Variants in PPP1R9B observed in about 807,000 individuals in gnomAD.
PPP1R9B encodes the protein neurabin-2.
A neutral mutation model predicts 75.8 loss-of-function variants in PPP1R9B; 17 were observed. That is an observed-to-expected ratio of 0.22 (90% CI 0.15 to 0.34). PPP1R9B has a LOEUF of 0.34. Among genes scored for constraint, PPP1R9B ranks in the 10% least tolerant of loss-of-function variants. The pLI is 1.00. For missense variants in PPP1R9B, 875 were observed against 1,196.0 expected (o/e 0.73, Z 3.96); for synonymous variants, 509 against 535.4 (o/e 0.95, Z 0.68).
At position 50,141,345 on chromosome 17, in the gene PPP1R9B, C is replaced by G; in HGVS notation, c.1654G>C (p.Val552Leu). Residue 552 changes from valine to leucine, a missense_variant, in exon 4 of 10, where the codon GTG (valine) becomes CTG (leucine). Around this residue, in one of 4 missense-constraint regions of PPP1R9B, gnomAD observed 63 missense variants for 160.2 expected, o/e 0.39. Coordinates refer to ENST00000612501, the MANE Select transcript of PPP1R9B (RefSeq NM_032595.5). ...RIQVNDLLVEVDGTSLVGVTQ... is the reference protein window; with the variant it reads ...RIQVNDLLVELDGTSLVGVTQ... The stretch of plus-strand genomic sequence containing the variant: ...ACTCCCACCAGACTTGTTCCATCCA[C>G]CTCCACCAGGAGATCATTCACCTGG... 6.3e-7 allele frequency: 1 copy of G among 1,590,900 alleles called. No individual in the cohort carries two copies. The highest frequency in any genetic ancestry group is 8.6e-7 in the Non-Finnish European group (1 of 1,169,298).
At position 50,145,195 on chromosome 17, in the gene PPP1R9B, C is replaced by T; in HGVS notation, c.1422G>A (p.Val474=). 6.2e-7 allele frequency: 1 copy of T among 1,614,024 alleles called. No homozygotes were observed. Among genetic ancestry groups the T allele is most frequent in the Non-Finnish European group, 8.5e-7 (1 of 1,179,892 alleles). Residue 474 remains valine, a synonymous_variant, in exon 2 of 10, where the codon GTG becomes GTA. Coordinates refer to ENST00000612501, the MANE Select transcript of PPP1R9B (RefSeq NM_032595.5). ...NEDYDRRNED[V]DPMAASAEYE... ...ACTCAGCAGAGGCTGCCATGGGATC[C>T]ACATCCTCGTTGCGACGATCGTAAT... is the stretch of plus-strand genomic sequence containing the variant.
Position 50,139,989 on chromosome 17 carries a change from G to T in PPP1R9B, c.1866+104C>A. The T allele has an allele frequency of 7.8e-7, 1 of 1,289,928 alleles. No individual in the cohort carries two copies. The highest frequency in any genetic ancestry group is 1.4e-5 in the South Asian group (1 of 69,420). 79.9% of individuals were successfully genotyped at this position (1,289,928 alleles called of 1,614,324 possible). A position where few individuals can be genotyped will look rare whatever the true frequency, so the allele number is the denominator to read the frequency against. ...ACTGGAGGACAGGGAATGGCACTGT[G>T]GGCTTTTTACTAGGGCAGGGGAAGC... On this transcript the variant is annotated intron_variant, in intron 5 of 9. Transcript: ENST00000612501. This position sits in a 1 kb window ranked among gnomAD's most constrained non-coding sequence, Gnocchi z 5.0.
chr17:50,137,080 T>C (rs1912250776), intron 7 of PPP1R9B, among the ~76,000 whole-genome samples: 2 of 152,058 alleles, frequency 1.3e-5, no homozygotes, highest in East Asian at 3.9e-4. Flanking sequence ...ACAGGGCCTT[T>C]ACGTGTGCTG....
At position 50,149,351 on chromosome 17, in the gene PPP1R9B, G is replaced by A. The variant is rs1598251147; in HGVS notation, c.1163C>T (p.Ser388Leu). Residue 388 changes from serine (S) to leucine (L), a missense_variant, in exon 1 of 10, where the codon TCG (serine) becomes TTG (leucine). By Grantham distance (145) the Ser-to-Leu change is moderately radical (BLOSUM62 -2). Transcript: ENST00000612501. This position sits in a 1 kb window ranked among gnomAD's most constrained non-coding sequence, Gnocchi z 7.2. ...GCTCACGTCCACCAAGTCCGCCTCC[G>A]AGAAGTCCTCCTTCTTGGATTCATC... ...EVDESKKEDF[S>L]EADLVDVSAY... The A allele has an allele frequency of 6.2e-7, 1 of 1,613,328 alleles. No individual in the cohort carries two copies. Among genetic ancestry groups the A allele is most frequent in the Non-Finnish European group, 8.5e-7 (1 of 1,179,764 alleles).
chr17:50,145,116 T>C lies in PPP1R9B; in HGVS notation c.1501A>G (p.Lys501Glu). The C allele has an allele frequency of 6.2e-7, 1 of 1,613,766 alleles. No individual in the cohort carries two copies. ...RLELFPVELE[K>E]DSEGLGISII... ...ACGTGGCCTCCTGGCCTCTCACCCTTCTCCAGCTCCACAGGGAACAGCTCC... is the reference window on the plus strand; with the variant it reads ...ACGTGGCCTCCTGGCCTCTCACCCTCCTCCAGCTCCACAGGGAACAGCTCC... Residue 501 changes from lysine to glutamate, a missense_variant, in exon 2 of 10, where the codon AAG (lysine) becomes GAG (glutamate). Physicochemically the swap from Lys to Glu is moderately conservative, Grantham distance 56. This residue lies in a region of PPP1R9B where 63 missense variants were observed against 160.2 expected (regional missense o/e 0.39). Coordinates refer to ENST00000612501, the MANE Select transcript of PPP1R9B (RefSeq NM_032595.5).
intron 7 of PPP1R9B, among the ~76,000 whole-genome samples, chr17:50,137,746 G>A (rs963007080): frequency 6.6e-6 from 1 of 152,198 alleles, no homozygotes; most frequent in Non-Finnish European, 1.5e-5. Context: ...TTAGAGGGGA[G>A]GCAGGATACT....
Position 50,149,378 on chromosome 17 carries a change from A to C in PPP1R9B, c.1136T>G (p.Val379Gly). 1 of 1,609,910 alleles carries C rather than the reference A, an allele frequency of 6.2e-7. No individual in the cohort carries two copies. The highest frequency in any genetic ancestry group is 8.5e-7 in the Non-Finnish European group (1 of 1,178,902). The change falls in exon 1 of 10, where the codon GTA (valine) becomes GGA (glycine). Residue 379 changes from valine (V) to glycine (G), a missense_variant. Physicochemically the swap from Val to Gly is moderately radical, Grantham distance 109. This residue lies in a region of PPP1R9B where 449 missense variants were observed against 475.0 expected (regional missense o/e 0.95). Coordinates refer to ENST00000612501, the MANE Select transcript of PPP1R9B (RefSeq NM_032595.5). This position sits in a 1 kb window ranked among gnomAD's most constrained non-coding sequence, Gnocchi z 7.2. The part of the protein sequence containing the change: ...GRAPDVAPEE[V>G]DESKKEDFSE... ...GAAGTCCTCCTTCTTGGATTCATCT[A>C]CCTCCTCAGGGGCCACGTCCGGGGC... is the stretch of plus-strand genomic sequence containing the variant.
intron 7 of PPP1R9B, among the ~76,000 whole-genome samples, 174 bp from the exon 8 acceptor site, chr17:50,136,371 A>G (rs1912231293): frequency 6.6e-6 from 1 of 152,152 alleles, no homozygotes; most frequent in Non-Finnish European, 1.5e-5. Context: ...CAGAGAGGAA[A>G]GAAGTAGAGC....
rs1273306827 is a variant in PPP1R9B, at chr17:50,149,592, C to T, written c.922G>A (p.Glu308Lys). Reference sequence around the variant, plus strand: ...CCGGGCGCCGACTCGGCCTCCGACTCCCCGCTCTCCTCCACCTCCACCGGC... The same window carrying T: ...CCGGGCGCCGACTCGGCCTCCGACTTCCCGCTCTCCTCCACCTCCACCGGC... ...IKPVEVEESGESEAESAPGEV... is the reference protein window; with the variant it reads ...IKPVEVEESGKSEAESAPGEV... The change falls in exon 1 of 10, where the codon GAG becomes AAG. Residue 308 changes from glutamate to lysine, a missense_variant. By Grantham distance (56) the Glu-to-Lys change is moderately conservative. Transcript: ENST00000612501. This position sits in a 1 kb window ranked among gnomAD's most constrained non-coding sequence, Gnocchi z 7.2. 2 of 1,569,628 alleles carry T rather than the reference C, an allele frequency of 1.3e-6. No homozygotes were observed. Among genetic ancestry groups the T allele is most frequent in the African/African-American group, 1.4e-5 (1 of 73,532 alleles).
intron 3 of PPP1R9B, 103 bp downstream of exon 3, chr17:50,143,495 C>T (rs2144449880): frequency 7.0e-7 from 1 of 1,436,020 alleles, no homozygotes; most frequent in Non-Finnish European, 9.5e-7. Flanking sequence ...ACGGAAATCT[C>T]CCAGGGAAGG....
At chr17:50,143,116 A>G (rs1912427885) in intron 3 of PPP1R9B, among the ~76,000 whole-genome samples, 1 of 151,894 alleles carries the variant, frequency 6.6e-6, no homozygotes, top group Non-Finnish European at 1.5e-5. Context: ...CCTCCATTTC[A>G]CTACCTTTTG....
In PPP1R9B at chr17:50,150,233, G is replaced by A. The variant is rs939659281; in HGVS notation, c.281C>T (p.Ser94Leu). 3.9e-5 allele frequency: 56 copies of A among 1,442,524 alleles called. No individual in the cohort carries two copies. Among genetic ancestry groups the A allele is most frequent in the Non-Finnish European group, 4.9e-5 (53 of 1,091,794 alleles). The allele number at this position is 1,442,524 out of a possible 1,614,324, so 89.4% of individuals were successfully genotyped here. A position where few individuals can be genotyped will look rare whatever the true frequency, so the allele number is the denominator to read the frequency against. Residue 94 changes from serine to leucine, a missense_variant, in exon 1 of 10, where the codon TCG becomes TTG. Ser to Leu is a moderately radical substitution (Grantham distance 145, BLOSUM62 -2). Coordinates refer to ENST00000612501, the MANE Select transcript of PPP1R9B (RefSeq NM_032595.5). This position sits in a 1 kb window ranked among gnomAD's most constrained non-coding sequence, Gnocchi z 8.7. The part of the protein sequence containing the change: ...PRASERGVRL[S>L]LPRASSLNEN... The stretch of plus-strand genomic sequence containing the variant: ...GTTCAGGCTGCTGGCCCGCGGCAGC[G>A]ACAGGCGCACGCCGCGCTCGGACGC...
rs3744535 is a variant in PPP1R9B, at chr17:50,135,545, A to G, written c.2400+8T>C. 499,184 of 1,607,436 alleles carry G rather than the reference A, an allele frequency of 0.31. 84,032 individuals carry two copies. The highest frequency in any genetic ancestry group is 0.65 in the African/African-American group (48,708 of 74,758). On this transcript the variant is annotated splice_region_variant and intron_variant, in intron 9 of 9. Coordinates refer to ENST00000612501, the MANE Select transcript of PPP1R9B (RefSeq NM_032595.5). ...CTGGGCCCTGCCCACAGGGCGCCCC[A>G]GGCCCACCTTGTCCAGGAGCTTGTC...
At position 50,133,968 on chromosome 17, in the gene PPP1R9B, G is replaced by A. The variant is rs991770020; in HGVS notation, c.*1363C>T. 1 of 152,696 alleles carries A rather than the reference G, an allele frequency of 6.5e-6. No homozygotes were observed. Among genetic ancestry groups the A allele is most frequent in the African/African-American group, 2.4e-5 (1 of 41,452 alleles). 9.5% of individuals were successfully genotyped at this position (152,696 alleles called of 1,614,324 possible). The stretch of plus-strand genomic sequence containing the variant: ...GACTGAGACAGCCAGCTCCTTCAGG[G>A]GATGGGGGCACATCTGGGGATAGGA... On this transcript the variant is annotated 3_prime_UTR_variant, in exon 10 of 10. Transcript: ENST00000612501.
intron 3 of PPP1R9B, 122 bp from the exon 4 acceptor site, chr17:50,141,495 CA>C (rs1912377389): frequency 1.7e-6 from 1 of 580,924 alleles, no homozygotes; most frequent in Non-Finnish European, 2.9e-6. Flanking sequence ...CTCATCTCTA[CA>C]AACAATAAAA....
At chr17:50,140,527 C>A (rs888490621) in intron 4 of PPP1R9B, among the ~76,000 whole-genome samples, 1 of 152,152 alleles carries the variant, frequency 6.6e-6, no homozygotes, top group Non-Finnish European at 1.5e-5. Context: ...TCTTCCCCTG[C>A]CACAGGGGAG....
In PPP1R9B at chr17:50,135,546, G is replaced by C. The variant is rs1202879624; in HGVS notation, c.2400+7C>G. On this transcript the variant is annotated splice_region_variant and intron_variant, in intron 9 of 9. Coordinates refer to ENST00000612501, the MANE Select transcript of PPP1R9B (RefSeq NM_032595.5). ...TGGGCCCTGCCCACAGGGCGCCCCA[G>C]GCCCACCTTGTCCAGGAGCTTGTCC... 1 of 1,609,860 alleles carries C rather than the reference G, an allele frequency of 6.2e-7. No homozygotes were observed.
intron 4 of PPP1R9B, among the ~76,000 whole-genome samples, chr17:50,140,898 G>A (rs1031019864): frequency 6.6e-6 from 1 of 152,232 alleles, no homozygotes; most frequent in Admixed American, 6.5e-5. Context: ...TGGTCGGGGT[G>A]GGGGGCATGA....
chr17:50,144,733 C>T lies in PPP1R9B; in HGVS notation c.1504+380G>A, dbSNP rs567607839. 2.0e-4 allele frequency among the ~76,000 whole-genome samples: 30 copies of T among 152,288 alleles called. No individual in the cohort carries two copies. In the South Asian group the frequency reaches 5.0e-3, roughly 25 times the overall value. ...TTACCTTCCCCAGCCCCTATTCCAG[C>T]GCCTAAGGGTGAGATTAGATGTGAC... is the stretch of plus-strand genomic sequence containing the variant. On this transcript the variant is annotated intron_variant, in intron 2 of 9. Coordinates refer to ENST00000612501, the MANE Select transcript of PPP1R9B (RefSeq NM_032595.5).
Sources: gnomAD v4.1 joint callset for allele counts (sites outside exome capture counted in the v4.1 genomes callset) on GRCh38, gnomAD v4.1.1 for gene constraint, gnomAD v4.1.1 regional missense constraint, Gnocchi (gnomAD v3.1) non-coding constraint, MANE v1.5 for transcripts, NCBI Gene and HGNC (gene_info 2026-07-23, HGNC 2026-07-21) for gene names.